Variants in TDRKH observed in about 807,000 individuals in gnomAD.
The protein encoded by TDRKH is tudor and KH domain containing, also known as tudor and KH domain-containing protein.
In TDRKH, 28 loss-of-function variants were observed where a neutral mutation model predicts 61.3. The ratio of observed to expected loss-of-function variants is 0.46; its 90% CI spans 0.34 to 0.63. The LOEUF (loss-of-function observed/expected upper bound fraction) is 0.63, where lower values mean the gene tolerates loss of function less well. Among genes scored for constraint, TDRKH ranks in the 20% least tolerant of loss-of-function variants. The pLI is 0.01. For missense variants in TDRKH, 540 were observed against 683.4 expected (o/e 0.79, Z 2.34); for synonymous variants, 219 against 244.4 (o/e 0.90, Z 0.97).
downstream of TDRKH, chr1:151,771,065 A>G (rs370746669): frequency 2.0e-4 from 316 of 1,572,316 alleles, 2 homozygotes; most frequent in African/African-American, 3.8e-3. Flanking sequence ...CATTTGTTCT[A>G]TCCTTTCACA....
intron 1 of TDRKH, among the ~76,000 whole-genome samples, chr1:151,784,204 T>C (rs972258788): frequency 6.6e-6 from 1 of 152,230 alleles, no homozygotes; most frequent in Non-Finnish European, 1.5e-5. Flanking sequence ...GAACTGTCTC[T>C]GCTCCTAGCA....
chr1:151,775,734 C>G, intron 9 of TDRKH, 86 bp downstream of exon 9: 1 of 1,540,620 alleles, frequency 6.5e-7, no homozygotes, highest in Non-Finnish European at 8.9e-7. Flanking sequence ...ATTCAAAAAG[C>G]CTGGGAATGT....
chr1:151,778,547 C>T (rs773056858), intron 6 of TDRKH, 138 bp downstream of exon 6: 3 of 1,549,318 alleles, frequency 1.9e-6, no homozygotes, highest in Non-Finnish European at 2.7e-6. Flanking sequence ...TTCAAAATAT[C>T]TTACCGAATC....
chr1:151,785,035 A>G (rs1458266383), intron 1 of TDRKH, among the ~76,000 whole-genome samples: 1 of 151,606 alleles, frequency 6.6e-6, no homozygotes, highest in Non-Finnish European at 1.5e-5. Flanking sequence ...GACTCAAGCA[A>G]TCCTCCCATC....
chr1:151,775,698 G>A lies in TDRKH; in HGVS notation c.1282+122C>T, dbSNP rs1279519619. ...GTTTCTGGCTGCTGCTAGTGCTGGT[G>A]AGGAAAAGGCACCTGAGTCCCCAGA... On this transcript the variant is annotated intron_variant, in intron 9 of 12. Coordinates refer to ENST00000368824, the MANE Select transcript of TDRKH (RefSeq NM_001083965.2). 2.0e-6 allele frequency: 3 copies of A among 1,484,640 alleles called. No individual in the cohort carries two copies. The African/African-American group carries it at 4.2e-5, about 21-fold the overall frequency. 92.0% of individuals were successfully genotyped at this position (1,484,640 alleles called of 1,614,324 possible).
intron 1 of TDRKH, among the ~76,000 whole-genome samples, chr1:151,787,991 G>T (rs1477058844): frequency 6.6e-6 from 1 of 151,384 alleles, no homozygotes; most frequent in Non-Finnish European, 1.5e-5. Flanking sequence ...GTCTCAAGGG[G>T]TTTAAAAAAA....
chr1:151,779,863 A>C, intron 4 of TDRKH, 88 bp downstream of exon 4: 9 of 1,347,788 alleles, frequency 6.7e-6, no homozygotes, highest in Admixed American at 2.2e-5. Context: ...GTGAAGGGGA[A>C]CTAGGCCAGA....
intron 2 of TDRKH, 142 bp downstream of exon 2, chr1:151,782,757 G>T: frequency 9.1e-7 from 1 of 1,102,260 alleles, no homozygotes; most frequent in Non-Finnish European, 1.2e-6. Flanking sequence ...GTGACAGAGT[G>T]AGACCCTGTC....
rs1649962480 is a variant in TDRKH, at chr1:151,782,835, T to C, written c.124+64A>G. 12 of 1,480,402 alleles carry C rather than the reference T, an allele frequency of 8.1e-6. No individual in the cohort carries two copies. The Admixed American group carries it at 3.0e-4, about 37-fold the overall frequency. The allele number at this position is 1,480,402 out of a possible 1,614,324, so 91.7% of individuals were successfully genotyped here. On this transcript the variant is annotated intron_variant, in intron 2 of 12. Coordinates refer to ENST00000368824, the MANE Select transcript of TDRKH (RefSeq NM_001083965.2). ...ATACCTGGCAAGGAAAGAGTTTTTT[T>C]CAATTTAACAAGGCAGGAGCATGTC...
downstream of TDRKH, chr1:151,770,263 G>A: frequency 1.2e-6 from 2 of 1,612,356 alleles, no homozygotes; most frequent in Non-Finnish European, 8.5e-7. Flanking sequence ...CAGAGGTGGG[G>A]ATCTGCTGTT....
chr1:151,768,107 C>T, downstream of TDRKH: 1 of 1,614,022 alleles, frequency 6.2e-7, no homozygotes, highest in South Asian at 1.1e-5. Context: ...CACCAGGACC[C>T]AGTACAGTTA....
chr1:151,780,120 A>G lies in TDRKH; in HGVS notation c.252T>C (p.Ala84=). 6.2e-7 allele frequency: 1 copy of G among 1,612,176 alleles called. No homozygotes were observed. Residue 84 remains alanine, a synonymous_variant, in exon 4 of 13, where the codon GCT becomes GCC. Coordinates refer to ENST00000368824, the MANE Select transcript of TDRKH (RefSeq NM_001083965.2). ...CATCCTCTGTGTCCACATCAATCCG[A>G]GCACCTGTCTGTTTCCGCAGCTGCA... ...NIKQLRKQTG[A]RIDVDTEDVG... is the part of the protein sequence containing the mutation.
At chr1:151,778,552 C>T (rs1024549000) in intron 6 of TDRKH, 133 bp downstream of exon 6, 25 of 1,554,796 alleles carry the variant, frequency 1.6e-5, no homozygotes, top group Middle Eastern at 1.8e-4. Context: ...AATATCTTAC[C>T]GAATCTTCTG....
chr1:151,786,554 G>C (rs571723066), intron 1 of TDRKH, among the ~76,000 whole-genome samples: 1 of 152,238 alleles, frequency 6.6e-6, no homozygotes, highest in South Asian at 2.1e-4. Flanking sequence ...GCAAAACCAC[G>C]GAGAAGGGTA....
intron 1 of TDRKH, 127 bp downstream of exon 1, chr1:151,790,253 C>T (rs533049908): frequency 1.3e-5 from 2 of 152,450 alleles, no homozygotes; most frequent in African/African-American, 4.8e-5. Context: ...GGCTCTGACT[C>T]CCCCGCTGCG....
intron 11 of TDRKH, 58 bp from the exon 12 acceptor site, chr1:151,774,864 G>T: frequency 6.3e-7 from 1 of 1,577,290 alleles, no homozygotes; most frequent in Non-Finnish European, 8.7e-7. Flanking sequence ...GAAAAAAGAG[G>T]CCACCCTTTC....
At chr1:151,770,631 T>C, downstream of TDRKH, 1 of 246,274 alleles carries the variant, frequency 4.1e-6, no homozygotes, top group Non-Finnish European at 7.7e-6. Context: ...GCCTGGAGCA[T>C]ATGTTACAGA....
At chr1:151,783,449 A>T (rs1650025756) in intron 1 of TDRKH, among the ~76,000 whole-genome samples, 1 of 152,210 alleles carries the variant, frequency 6.6e-6, no homozygotes, top group Non-Finnish European at 1.5e-5. Context: ...GGCTTAGTAA[A>T]GGCCTTACTA....
chr1:151,781,324 AAAAAAT>A (rs1182176429), intron 3 of TDRKH, among the ~76,000 whole-genome samples, 151 bp downstream of exon 3: 1 of 18,828 alleles, frequency 5.3e-5, no homozygotes, highest in Admixed American at 9.2e-4. Flanking sequence ...TCTCAAAAAA[AAAAAAT>A]ATATATATAT....
Sources: gnomAD v4.1 joint callset for allele counts (sites outside exome capture counted in the v4.1 genomes callset) on GRCh38, gnomAD v4.1.1 for gene constraint, MANE v1.5 for transcripts, NCBI Gene and HGNC (gene_info 2026-07-23, HGNC 2026-07-21) for gene names.